Variants in LRCH4 observed in about 807,000 individuals in gnomAD.
LRCH4 encodes leucine-rich repeat and calponin homology domain-containing protein 4.
In LRCH4, 56 loss-of-function variants were observed where a neutral mutation model predicts 81.2. The ratio of observed to expected loss-of-function variants is 0.69; its 90% confidence interval spans 0.56 to 0.86. LRCH4 has a LOEUF of 0.86. Ranked by LOEUF, LRCH4 falls within the 40% of genes least tolerant of loss-of-function variation. The pLI is 0.00. For missense variants in LRCH4, 895 were observed against 922.8 expected (o/e 0.97, Z 0.39); for synonymous variants, 442 against 409.7 (o/e 1.08, Z -0.95).
chr7:100,578,111 T>G lies in LRCH4; in HGVS notation c.948+48A>C, dbSNP rs1801428952. The G allele has an allele frequency of 1.9e-6, 3 of 1,576,122 alleles. No individual in the cohort carries two copies. The highest frequency in any genetic ancestry group is 2.6e-6 in the Non-Finnish European group (3 of 1,145,914). ...TTGGAGGTCCCCAGTTCAGAGGTGC[T>G]CTCCCAGGGCTGACACCCTCAATCA... is the stretch of plus-strand genomic sequence containing the variant. On this transcript the variant is annotated intron_variant, in intron 7 of 17. Transcript: ENST00000310300. This position sits in a 1 kb window ranked among gnomAD's most constrained non-coding sequence, Gnocchi z 5.7.
In LRCH4 at chr7:100,575,041, G is replaced by T; in HGVS notation, c.*66C>A. On this transcript the variant is annotated 3_prime_UTR_variant, in exon 18 of 18. Coordinates refer to ENST00000310300, the MANE Select transcript of LRCH4 (RefSeq NM_002319.5). The surrounding 1 kb of genome is among the most constrained non-coding windows in gnomAD (Gnocchi z 5.3). ...GGCTGAAGGCACCGCAGGTGGGGTC[G>T]GGTGGAGCAGGGACCTTATAAATAG... 3 of 1,450,820 alleles carry T rather than the reference G, an allele frequency of 2.1e-6. No individual in the cohort carries two copies. The highest frequency in any genetic ancestry group is 2.4e-5 in the East Asian group (1 of 42,520). 89.9% of individuals were successfully genotyped at this position (1,450,820 alleles called of 1,614,324 possible).
chr7:100,584,584 C>T, intron 1 of LRCH4: 1 of 410,122 alleles, frequency 2.4e-6, no homozygotes, highest in South Asian at 1.7e-5. Flanking sequence ...GAGTGTCACA[C>T]AGCTGCTGAG....
rs1801452601 is a variant in LRCH4 at position 100,578,867 on chromosome 7, G to C, written c.599-81C>G. Reference sequence around the variant, plus strand: ...GCTCACTCCCTCACCCTTGGCTCCAGCTGGCCAGTCACCCTGGGCCCAGCA... The same window carrying C: ...GCTCACTCCCTCACCCTTGGCTCCACCTGGCCAGTCACCCTGGGCCCAGCA... On this transcript the variant is annotated intron_variant, in intron 4 of 17. Transcript: ENST00000310300. This position sits in a 1 kb window ranked among gnomAD's most constrained non-coding sequence, Gnocchi z 5.7. 4 of 1,505,882 alleles carry C rather than the reference G, an allele frequency of 2.7e-6. No individual in the cohort carries two copies. The East Asian group carries it at 9.2e-5, about 35-fold the overall frequency. The allele number at this position is 1,505,882 out of a possible 1,614,324, so 93.3% of individuals were successfully genotyped here. A position where few individuals can be genotyped will look rare whatever the true frequency, so the allele number is the denominator to read the frequency against.
intron 4 of LRCH4, chr7:100,579,076 A>C: frequency 4.5e-6 from 2 of 441,014 alleles, no homozygotes; most frequent in Non-Finnish European, 8.2e-6. Flanking sequence ...TGTCCTCCTC[A>C]TCTCCTCGCC....
chr7:100,578,141 T>C lies in LRCH4; in HGVS notation c.948+18A>G, dbSNP rs767196557. The C allele has an allele frequency of 4.3e-6, 7 of 1,612,668 alleles. No homozygotes were observed. The highest frequency in any genetic ancestry group is 5.9e-6 in the Non-Finnish European group (7 of 1,178,704). On this transcript the variant is annotated intron_variant, in intron 7 of 17. Coordinates refer to ENST00000310300, the MANE Select transcript of LRCH4 (RefSeq NM_002319.5). This position sits in a 1 kb window ranked among gnomAD's most constrained non-coding sequence, Gnocchi z 5.7. ...CAGGGCTGACACCCTCAATCACCCA[T>C]GGACAGGACGCCCTTACCTCATTTC...
chr7:100,578,785 C>T lies in LRCH4; in HGVS notation c.600G>A (p.Glu200=), dbSNP rs746820570. 3.1e-6 allele frequency: 5 copies of T among 1,612,938 alleles called. No homozygotes were observed. The highest frequency in any genetic ancestry group is 3.4e-6 in the Non-Finnish European group (4 of 1,179,768). ...GGCGGACCAGAGGGAGGTCCCCCAG[C>T]TCTGGAACAGGTGGGCAAGGGAAAA... ...RRNQLSTLPE[E]LGDLPLVRLD... The change falls in exon 5 of 18, where the codon GAG becomes GAA. Residue 200 remains glutamate, a splice_region_variant and synonymous_variant. Coordinates refer to ENST00000310300, the MANE Select transcript of LRCH4 (RefSeq NM_002319.5). This position sits in a 1 kb window ranked among gnomAD's most constrained non-coding sequence, Gnocchi z 5.7.
rs1801447945 is a variant in LRCH4, at chr7:100,578,698, C to A, written c.687G>T (p.Leu229=). Residue 229 remains leucine (L), a synonymous_variant, in exon 5 of 18, where the codon CTG becomes CTT. Coordinates refer to ENST00000310300, the MANE Select transcript of LRCH4 (RefSeq NM_002319.5). This position sits in a 1 kb window ranked among gnomAD's most constrained non-coding sequence, Gnocchi z 5.7. ...GGTTGCTGTCCAGCAGAATGACCTGCAGGTGCCTCAGGCGGCAGAAGGAGA... is the reference window on the plus strand; with the variant it reads ...GGTTGCTGTCCAGCAGAATGACCTGAAGGTGCCTCAGGCGGCAGAAGGAGA... ...IPVSFCRLRH[L]QVILLDSNPL... The A allele has an allele frequency of 1.2e-6, 2 of 1,614,084 alleles. No homozygotes were observed. The highest frequency in any genetic ancestry group is 1.7e-5 in the Admixed American group (1 of 60,008).
At chr7:100,580,147 G>A (rs1171626699) in intron 4 of LRCH4, 1 of 152,214 alleles carries the variant, frequency 6.6e-6, no homozygotes, top group African/African-American at 2.4e-5. Flanking sequence ...TGGGTCCTCT[G>A]CCTGGATGCA....
At chr7:100,585,496 G>A (rs569103303) in intron 1 of LRCH4, among the ~76,000 whole-genome samples, 1 of 151,890 alleles carries the variant, frequency 6.6e-6, no homozygotes, top group African/African-American at 2.4e-5. Context: ...TGTAGATGAA[G>A]AGGGAGAGAA....
chr7:100,581,575 C>T (rs774727405), intron 4 of LRCH4: 78 of 547,234 alleles, frequency 1.4e-4, no homozygotes, highest in Non-Finnish European at 2.3e-4. Flanking sequence ...CACAAGGAGC[C>T]GGCAGTCTGC....
In LRCH4 at chr7:100,574,194, C is replaced by G. The variant is rs996486244; in HGVS notation, c.*913G>C. On this transcript the variant is annotated 3_prime_UTR_variant, in exon 18 of 18. Coordinates refer to ENST00000310300, the MANE Select transcript of LRCH4 (RefSeq NM_002319.5). ...CTTCTCTGAGAGCGCGGAGCCCAGGCGCGTCTTCTGCTCCCGGGGTCCCGG... is the reference window on the plus strand; with the variant it reads ...CTTCTCTGAGAGCGCGGAGCCCAGGGGCGTCTTCTGCTCCCGGGGTCCCGG... 1 of 167,182 alleles carries G rather than the reference C, an allele frequency of 6.0e-6. No individual in the cohort carries two copies. Among genetic ancestry groups the G allele is most frequent in the Admixed American group, 6.5e-5 (1 of 15,358 alleles). The allele number at this position is 167,182 out of a possible 1,614,324, so 10.4% of individuals were successfully genotyped here.
rs1801596591 is a variant in LRCH4, at chr7:100,582,624, G to A, written c.221-165C>T. On this transcript the variant is annotated intron_variant, in intron 1 of 17. Coordinates refer to ENST00000310300, the MANE Select transcript of LRCH4 (RefSeq NM_002319.5). The surrounding 1 kb of genome is among the most constrained non-coding windows in gnomAD (Gnocchi z 5.0). ...ATAACAAAGCCTTCTGCCAACGGGA[G>A]CACATTCCAGGCGTGACCAGAATGG... Among the ~76,000 whole-genome samples the A allele has an allele frequency of 6.6e-6, 1 of 152,228 alleles. No homozygotes were observed. Among genetic ancestry groups the A allele is most frequent in the Admixed American group, 6.5e-5 (1 of 15,282 alleles).
Position 100,578,144 on chromosome 7 carries a change from A to C in LRCH4, c.948+15T>G. ...GGCTGACACCCTCAATCACCCATGG[A>C]CAGGACGCCCTTACCTCATTTCCAG... On this transcript the variant is annotated intron_variant, in intron 7 of 17. Coordinates refer to ENST00000310300, the MANE Select transcript of LRCH4 (RefSeq NM_002319.5). The surrounding 1 kb of genome is among the most constrained non-coding windows in gnomAD (Gnocchi z 5.7). 6.2e-7 allele frequency: 1 copy of C among 1,613,246 alleles called. No individual in the cohort carries two copies. The highest frequency in any genetic ancestry group is 8.5e-7 in the Non-Finnish European group (1 of 1,179,186).
In LRCH4 at chr7:100,578,816, G is replaced by C. The variant is rs775929689; in HGVS notation, c.599-30C>G. 7.7e-5 allele frequency: 124 copies of C among 1,608,230 alleles called. No individual in the cohort carries two copies. Among genetic ancestry groups the C allele is most frequent in the Non-Finnish European group, 1.0e-4 (121 of 1,177,678 alleles). ...AACAGGTGGGCAAGGGAAAAGTCAGGAACATGCTCAGGGCTGTGGCCTCGT... is the reference window on the plus strand; with the variant it reads ...AACAGGTGGGCAAGGGAAAAGTCAGCAACATGCTCAGGGCTGTGGCCTCGT... On this transcript the variant is annotated intron_variant, in intron 4 of 17. Coordinates refer to ENST00000310300, the MANE Select transcript of LRCH4 (RefSeq NM_002319.5). This position sits in a 1 kb window ranked among gnomAD's most constrained non-coding sequence, Gnocchi z 5.7.
chr7:100,582,792 C>T lies in LRCH4; in HGVS notation c.221-333G>A, dbSNP rs990678594. 6.6e-6 allele frequency among the ~76,000 whole-genome samples: 1 copy of T among 152,072 alleles called. No individual in the cohort carries two copies. Among genetic ancestry groups the T allele is most frequent in the Non-Finnish European group, 1.5e-5 (1 of 68,010 alleles). On this transcript the variant is annotated intron_variant, in intron 1 of 17. Transcript: ENST00000310300. The surrounding 1 kb of genome is among the most constrained non-coding windows in gnomAD (Gnocchi z 5.0). Reference sequence around the variant, plus strand: ...TCCTGTTCAGAGATGCCAGGTGAGGCGGAGGACCGAAGGTGAGAGGAGGGG... The same window carrying T: ...TCCTGTTCAGAGATGCCAGGTGAGGTGGAGGACCGAAGGTGAGAGGAGGGG...
rs563422323 is a variant in LRCH4 at position 100,582,704 on chromosome 7, G to A, written c.221-245C>T. Among the ~76,000 whole-genome samples, 44 of 152,370 alleles carry A rather than the reference G, an allele frequency of 2.9e-4. No individual in the cohort carries two copies. Among genetic ancestry groups the A allele is most frequent in the Admixed American group, 2.5e-3 (39 of 15,310 alleles). On this transcript the variant is annotated intron_variant, in intron 1 of 17. Coordinates refer to ENST00000310300, the MANE Select transcript of LRCH4 (RefSeq NM_002319.5). This position sits in a 1 kb window ranked among gnomAD's most constrained non-coding sequence, Gnocchi z 5.0. ...TGGGCTAGAGAAGCCTCAGACTTGG[G>A]GGTTGGGGAATGTCAATGGAGGGCT...
At chr7:100,580,364 C>T (rs1801490610) in intron 4 of LRCH4, 1 of 151,798 alleles carries the variant, frequency 6.6e-6, no homozygotes, top group Admixed American at 6.6e-5. Context: ...AGTCACATCA[C>T]CCGCATCTAC....
chr7:100,579,563 C>T (rs912351726), intron 4 of LRCH4: 2 of 149,778 alleles, frequency 1.3e-5, no homozygotes, highest in Admixed American at 1.3e-4. Context: ...CGCCACTGCA[C>T]TCCAGCCTGG....
Position 100,578,440 on chromosome 7 carries a change from C to A in LRCH4, c.807G>T (p.Leu269=), listed in dbSNP as rs575490250. ...GGGGCCGAGAAGGGGCCAGGTCCCC[C>A]AGGGCCGACCCACGCTGCCCGGCCT... ...STEAGQRGSA[L]GDLAPSRPPS... Residue 269 remains leucine, a synonymous_variant, in exon 6 of 18, where the codon CTG becomes CTT. Coordinates refer to ENST00000310300, the MANE Select transcript of LRCH4 (RefSeq NM_002319.5). This position sits in a 1 kb window ranked among gnomAD's most constrained non-coding sequence, Gnocchi z 5.7. 38 of 1,614,088 alleles carry A rather than the reference C, an allele frequency of 2.4e-5. No homozygotes were observed. The South Asian group carries it at 4.1e-4, about 17-fold the overall frequency.
Sources: allele counts gnomAD v4.1 joint callset (sites outside exome capture counted in the v4.1 genomes callset), GRCh38; gene constraint gnomAD v4.1.1; non-coding constraint Gnocchi (gnomAD v3.1); transcripts MANE v1.5; gene names NCBI Gene and HGNC (gene_info 2026-07-23, HGNC 2026-07-21).